The following TAF1L variants were observed in gnomAD, a reference collection of about 807,000 sequenced individuals.
TAF1L encodes the protein TATA-box binding protein associated factor 1 like.
In TAF1L, 30 loss-of-function variants were observed where a neutral mutation model predicts 128.8. That is an observed-to-expected ratio of 0.23 (90% CI 0.17 to 0.32). The LOEUF is 0.32. Ranked by LOEUF, TAF1L falls within the 10% of genes least tolerant of loss-of-function variation. The probability of loss-of-function intolerance (pLI) is 1.00; values close to 1 mark genes in which losing one functional copy is unlikely to be tolerated. For synonymous variants in TAF1L, 764 were observed against 790.7 expected (o/e 0.97, Z 0.57); for missense variants, 2,099 against 2,253.7 (o/e 0.93, Z 1.39).
chr9:32,632,496 T>C lies in TAF1L; in HGVS notation c.3084A>G (p.Lys1028=), dbSNP rs1319427896. 5 of 1,614,110 alleles carry C rather than the reference T, an allele frequency of 3.1e-6. No homozygotes were observed. Among genetic ancestry groups the C allele is most frequent in the Non-Finnish European group, 4.2e-6 (5 of 1,180,050 alleles). ...TAATCTCTTCCTCAGGCACACCAAA[T>C]TTACGTAGAAGTTGCTTGGCATTTT... The part of the protein sequence containing the change: ...SLKNAKQLLR[K]FGVPEEEIKK... The change falls in exon 1 of 1, where the codon AAA becomes AAG. Residue 1028 remains lysine, a synonymous_variant. Transcript: ENST00000242310. This position sits in a 1 kb window ranked among gnomAD's most constrained non-coding sequence, Gnocchi z 4.4.
In TAF1L at chr9:32,635,424, C is replaced by G. The variant is rs766333861; in HGVS notation, c.156G>C (p.Glu52Asp). ...ACTCATCATCCAAGACGCTTTCCCC[C>G]TCCAGCTGCCCCGCTCCACTGATGT... ...FGNISGAGQL[E>D]GESVLDDECK... Residue 52 changes from glutamate (E) to aspartate (D), a missense_variant, in exon 1 of 1, where the codon GAG becomes GAC. Coordinates refer to ENST00000242310, the MANE Select transcript of TAF1L (RefSeq NM_153809.2). 1.2e-6 allele frequency: 2 copies of G among 1,614,164 alleles called. No individual in the cohort carries two copies. The highest frequency in any genetic ancestry group is 1.3e-5 in the African/African-American group (1 of 75,042).
At position 32,631,042 on chromosome 9, in the gene TAF1L, G is replaced by C. The variant is rs1822510902; in HGVS notation, c.4538C>G (p.Ala1513Gly). 1.2e-6 allele frequency: 2 copies of C among 1,614,110 alleles called. No homozygotes were observed. The highest frequency in any genetic ancestry group is 3.3e-5 in the Admixed American group (2 of 60,006). Residue 1513 changes from alanine (A) to glycine (G), a missense_variant, in exon 1 of 1, where the codon GCT becomes GGT. Coordinates refer to ENST00000242310, the MANE Select transcript of TAF1L (RefSeq NM_153809.2). The surrounding 1 kb of genome is among the most constrained non-coding windows in gnomAD (Gnocchi z 4.1). Reference sequence around the variant, plus strand: ...ATCATCATCCAGCAAGGGGTTGATAGCTTTCTCTAAGCGAGCTAATTTGTC... The same window carrying C: ...ATCATCATCCAGCAAGGGGTTGATACCTTTCTCTAAGCGAGCTAATTTGTC... ...KEDKLARLEKAINPLLDDDDQ... is the reference protein window; with the variant it reads ...KEDKLARLEKGINPLLDDDDQ...
At position 32,633,922 on chromosome 9, in the gene TAF1L, G is replaced by A. The variant is rs1370053933; in HGVS notation, c.1658C>T (p.Ser553Phe). The change falls in exon 1 of 1, where the codon TCT becomes TTT. Residue 553 changes from serine (S) to phenylalanine (F), a missense_variant. Ser to Phe is a radical substitution (Grantham distance 155). Transcript: ENST00000242310. ...SPSKESKKES[S>F]LKKSRILLGK... Reference sequence around the variant, plus strand: ...CAAGAGAATTCGACTCTTCTTCAGAGATGATTCCTTCTTACTCTCCTTGGA... The same window carrying A: ...CAAGAGAATTCGACTCTTCTTCAGAAATGATTCCTTCTTACTCTCCTTGGA... 3.7e-6 allele frequency: 6 copies of A among 1,614,158 alleles called. No individual in the cohort carries two copies. The highest frequency in any genetic ancestry group is 2.5e-6 in the Non-Finnish European group (3 of 1,180,034).
chr9:32,633,227 G>C lies in TAF1L; in HGVS notation c.2353C>G (p.Arg785Gly), dbSNP rs1411633594. 1.2e-6 allele frequency: 2 copies of C among 1,614,018 alleles called. No homozygotes were observed. The highest frequency in any genetic ancestry group is 2.7e-5 in the African/African-American group (2 of 74,902). Residue 785 changes from arginine to glycine, a missense_variant, in exon 1 of 1, where the codon CGG becomes GGG. Physicochemically the swap from Arg to Gly is moderately radical, Grantham distance 125. Transcript: ENST00000242310. The stretch of plus-strand genomic sequence containing the variant: ...CGAATATAGTAACCCTGTCTTGTCC[G>C]AATGATCAGAAAATCAGTTTCTGGC... ...KMPETDFLIIRTRQGYYIREL... is the reference protein window; with the variant it reads ...KMPETDFLIIGTRQGYYIREL...
chr9:32,631,526 C>T lies in TAF1L; in HGVS notation c.4054G>A (p.Val1352Met), dbSNP rs1822517422. 1 of 1,614,088 alleles carries T rather than the reference C, an allele frequency of 6.2e-7. No individual in the cohort carries two copies. ...IVFGKQLIEN[V>M]HEVRRKSLVL... ...AGAGATTTTCTGCGAACCTCATGCACATTCTCAATTAGCTGTTTCCCGAAG... is the reference window on the plus strand; with the variant it reads ...AGAGATTTTCTGCGAACCTCATGCATATTCTCAATTAGCTGTTTCCCGAAG... The change falls in exon 1 of 1, where the codon GTG becomes ATG. Residue 1352 changes from valine (V) to methionine (M), a missense_variant. Around this residue, in one of 4 missense-constraint regions of TAF1L, gnomAD observed 1,213 missense variants for 1,391.4 expected, o/e 0.87. Transcript: ENST00000242310. This position sits in a 1 kb window ranked among gnomAD's most constrained non-coding sequence, Gnocchi z 4.1.
rs781264241 is a variant in TAF1L, at chr9:32,631,862, G to T, written c.3718C>A (p.Arg1240=). 2 of 1,614,056 alleles carry T rather than the reference G, an allele frequency of 1.2e-6. No homozygotes were observed. Among genetic ancestry groups the T allele is most frequent in the Non-Finnish European group, 1.7e-6 (2 of 1,180,022 alleles). The part of the protein sequence containing the change: ...LFDEKHREEM[R]KERRRIQEQL... ...TCTTGAATCCTCCGCCGTTCTTTCC[G>T]CATCTCTTCCCGATGTTTTTCATCA... The change falls in exon 1 of 1, where the codon CGG becomes AGG. Residue 1240 remains arginine, a synonymous_variant. Transcript: ENST00000242310. This position sits in a 1 kb window ranked among gnomAD's most constrained non-coding sequence, Gnocchi z 4.1.
rs764249802 is a variant in TAF1L at position 32,634,462 on chromosome 9, C to G, written c.1118G>C (p.Gly373Ala). The change falls in exon 1 of 1, where the codon GGT becomes GCT. Residue 373 changes from glycine (G) to alanine (A), a missense_variant. Coordinates refer to ENST00000242310, the MANE Select transcript of TAF1L (RefSeq NM_153809.2). Reference sequence around the variant, plus strand: ...AAACCCACTGCCATCTTCGGAGACACCCAGCATATCATACCACAGTCGGGC... The same window carrying G: ...AAACCCACTGCCATCTTCGGAGACAGCCAGCATATCATACCACAGTCGGGC... ...GPARLWYDML[G>A]VSEDGSGFDY... The G allele has an allele frequency of 7.4e-6, 12 of 1,614,100 alleles. No homozygotes were observed. The South Asian group carries it at 1.3e-4, about 18-fold the overall frequency.
rs1822536223 is a variant in TAF1L at position 32,632,963 on chromosome 9, G to A, written c.2617C>T (p.Arg873Cys). 6.8e-6 allele frequency: 11 copies of A among 1,614,172 alleles called. No individual in the cohort carries two copies. The East Asian group carries it at 2.0e-4, about 29-fold the overall frequency. ...KRLKLCADFK[R>C]TGMDSNWWVL... ...CACCAGTTTGAATCCATCCCTGTGCGTTTGAAGTCAGCGCAGAGCTTTAGC... is the reference window on the plus strand; with the variant it reads ...CACCAGTTTGAATCCATCCCTGTGCATTTGAAGTCAGCGCAGAGCTTTAGC... The change falls in exon 1 of 1, where the codon CGC becomes TGC. Residue 873 changes from arginine to cysteine, a missense_variant. By Grantham distance (180) the Arg-to-Cys change is radical. Transcript: ENST00000242310. The surrounding 1 kb of genome is among the most constrained non-coding windows in gnomAD (Gnocchi z 4.4).
chr9:32,631,981 C>T lies in TAF1L; in HGVS notation c.3599G>A (p.Arg1200His), dbSNP rs909218755. Residue 1200 changes from arginine (R) to histidine (H), a missense_variant, in exon 1 of 1, where the codon CGC becomes CAC. Transcript: ENST00000242310. The surrounding 1 kb of genome is among the most constrained non-coding windows in gnomAD (Gnocchi z 4.1). The stretch of plus-strand genomic sequence containing the variant: ...AGCTGGTTTTCGGACTGTCTCACAG[C>T]GAACATACTCTTTCCCCTCTTCATC... The part of the protein sequence containing the change: ...FRDEEGKEYV[R>H]CETVRKPAVI... 2.5e-6 allele frequency: 4 copies of T among 1,614,032 alleles called. No homozygotes were observed. The highest frequency in any genetic ancestry group is 2.2e-5 in the East Asian group (1 of 44,902).
Position 32,635,472 on chromosome 9 carries a change from A to G in TAF1L, c.108T>C (p.Thr36=). 1.9e-6 allele frequency: 3 copies of G among 1,614,142 alleles called. No homozygotes were observed. The highest frequency in any genetic ancestry group is 1.1e-5 in the South Asian group (1 of 91,080). The change falls in exon 1 of 1, where the codon ACT becomes ACC. Residue 36 remains threonine (T), a synonymous_variant. Transcript: ENST00000242310. ...TGTTGCCGAAAAGGATACCCGCTAAAGTAAATGGGCCACCTCCAGATGAAT... is the reference window on the plus strand; with the variant it reads ...TGTTGCCGAAAAGGATACCCGCTAAGGTAAATGGGCCACCTCCAGATGAAT... The part of the protein sequence containing the change: ...EEDSSGGGPF[T]LAGILFGNIS...
chr9:32,630,929 C>A lies in TAF1L; in HGVS notation c.4651G>T (p.Val1551Phe). ...VPDSWPFHHP[V>F]NKKFVPDYYK... is the part of the protein sequence containing the mutation. ...TAATCTGGAACAAACTTCTTATTAA[C>A]TGGGTGATGAAATGGCCAAGAATCT... The change falls in exon 1 of 1, where the codon GTT becomes TTT. Residue 1551 changes from valine to phenylalanine, a missense_variant. Coordinates refer to ENST00000242310, the MANE Select transcript of TAF1L (RefSeq NM_153809.2). The A allele has an allele frequency of 3.1e-6, 5 of 1,614,218 alleles. No homozygotes were observed. Among genetic ancestry groups the A allele is most frequent in the Non-Finnish European group, 4.2e-6 (5 of 1,180,052 alleles).
Position 32,629,846 on chromosome 9 carries a change from A to C in TAF1L, c.*253T>G. 1 of 650,046 alleles carries C rather than the reference A, an allele frequency of 1.5e-6. No homozygotes were observed. The highest frequency in any genetic ancestry group is 2.6e-6 in the Non-Finnish European group (1 of 380,446). 40.3% of individuals were successfully genotyped at this position (650,046 alleles called of 1,614,324 possible). On this transcript the variant is annotated 3_prime_UTR_variant, in exon 1 of 1. Transcript: ENST00000242310. ...GCTAATTTTTGTATTTTTAGTAGAG[A>C]TGAAGTTTCGACATGTTGGCCAAGC...
rs1822549770 is a variant in TAF1L, at chr9:32,633,942, C to A, written c.1638G>T (p.Lys546Asn). ...TCAGAGATGATTCCTTCTTACTCTC[C>A]TTGGAGGGGGAGTTAGAGGTGGCCT... ...KEEATSNSPS[K>N]ESKKESSLKK... Residue 546 changes from lysine to asparagine, a missense_variant, in exon 1 of 1, where the codon AAG becomes AAT. By Grantham distance (94) the Lys-to-Asn change is moderately conservative. This residue lies in a region of TAF1L where 1,213 missense variants were observed against 1,391.4 expected (regional missense o/e 0.87). Transcript: ENST00000242310. 6.2e-7 allele frequency: 1 copy of A among 1,614,170 alleles called. No homozygotes were observed. The highest frequency in any genetic ancestry group is 8.5e-7 in the Non-Finnish European group (1 of 1,180,036).
Position 32,634,103 on chromosome 9 carries a change from C to G in TAF1L, c.1477G>C (p.Asp493His). The change falls in exon 1 of 1, where the codon GAT (aspartate) becomes CAT (histidine). Residue 493 changes from aspartate to histidine, a missense_variant. Asp to His is a moderately conservative substitution (Grantham distance 81). Transcript: ENST00000242310. Reference sequence around the variant, plus strand: ...TCCTCCCAGCGTCCATACACCAGATCCTCATTGTCAATGGGAAAAATGGAG... The same window carrying G: ...TCCTCCCAGCGTCCATACACCAGATGCTCATTGTCAATGGGAAAAATGGAG... ...WYSIFPIDNE[D>H]LVYGRWEDNI... 1.2e-6 allele frequency: 2 copies of G among 1,614,190 alleles called. No individual in the cohort carries two copies. The highest frequency in any genetic ancestry group is 2.2e-5 in the South Asian group (2 of 91,078).
chr9:32,630,251 C>T lies in TAF1L; in HGVS notation c.5329G>A (p.Gly1777Arg). ...SEGEDDEEDA[G>R]SDEEGDNPFS... ...GGATTGTCTCCTTCTTCGTCACTCC[C>T]AGCATCTTCCTCATCATCTTCTCCT... The change falls in exon 1 of 1, where the codon GGG becomes AGG. Residue 1777 changes from glycine to arginine, a missense_variant. Transcript: ENST00000242310. 6.2e-7 allele frequency: 1 copy of T among 1,614,214 alleles called. No homozygotes were observed.
rs2119084266 is a variant in TAF1L, at chr9:32,631,303, G to A, written c.4277C>T (p.Thr1426Ile). 3.1e-6 allele frequency: 5 copies of A among 1,614,214 alleles called. No homozygotes were observed. The South Asian group carries it at 4.4e-5, about 14-fold the overall frequency. ...CTTTACAACCTTTGCATTGACTGGA[G>A]TGTGGAAAGGGTGTGTATTTGGAAG... is the stretch of plus-strand genomic sequence containing the variant. The part of the protein sequence containing the change: ...RDLPNTHPFH[T>I]PVNAKVVKDY... Residue 1426 changes from threonine to isoleucine, a missense_variant, in exon 1 of 1, where the codon ACT (threonine) becomes ATT (isoleucine). This residue lies in a region of TAF1L where 1,213 missense variants were observed against 1,391.4 expected (regional missense o/e 0.87). Transcript: ENST00000242310. The surrounding 1 kb of genome is among the most constrained non-coding windows in gnomAD (Gnocchi z 4.1).
In TAF1L at chr9:32,630,711, A is replaced by G. The variant is rs1435233438; in HGVS notation, c.4869T>C (p.Ile1623=). The part of the protein sequence containing the change: ...QEIVNICYQT[I]TEYDEHLTQL... ...GAGTCAAATGCTCATCATACTCAGT[A>G]ATTGTCTGGTAACAGATGTTCACAA... is the stretch of plus-strand genomic sequence containing the variant. The change falls in exon 1 of 1, where the codon ATT becomes ATC. Residue 1623 remains isoleucine (I), a synonymous_variant. Transcript: ENST00000242310. 1 of 1,614,196 alleles carries G rather than the reference A, an allele frequency of 6.2e-7. No individual in the cohort carries two copies. Among genetic ancestry groups the G allele is most frequent in the Admixed American group, 1.7e-5 (1 of 60,010 alleles).
In TAF1L at chr9:32,635,550, C is replaced by T. The variant is rs370475875; in HGVS notation, c.30G>A (p.Arg10=). 1.8e-4 allele frequency: 284 copies of T among 1,613,960 alleles called. No individual in the cohort carries two copies. The highest frequency in any genetic ancestry group is 2.3e-4 in the Non-Finnish European group (272 of 1,179,938). ...TGGCGGCAGTGACGGTAGCTGCTGC[C>T]CTCAGCAGCAAATCGCAGCCGGGTC... MRPGCDLLL[R]AAATVTAAIM... Residue 10 remains arginine, a synonymous_variant, in exon 1 of 1, where the codon AGG becomes AGA. Coordinates refer to ENST00000242310, the MANE Select transcript of TAF1L (RefSeq NM_153809.2).
chr9:32,629,800 A>G lies in TAF1L; in HGVS notation c.*299T>C, dbSNP rs1042582490. Reference sequence around the variant, plus strand: ...AGCCTCCCGAGTATCTGGGGATTACAGGCGTGCACCACCACACCTGGCTAA... The same window carrying G: ...AGCCTCCCGAGTATCTGGGGATTACGGGCGTGCACCACCACACCTGGCTAA... On this transcript the variant is annotated 3_prime_UTR_variant, in exon 1 of 1. Coordinates refer to ENST00000242310, the MANE Select transcript of TAF1L (RefSeq NM_153809.2). The G allele has an allele frequency of 3.9e-6, 2 of 513,730 alleles. No homozygotes were observed. The highest frequency in any genetic ancestry group is 7.2e-5 in the Admixed American group (2 of 27,744). The allele number at this position is 513,730 out of a possible 1,614,324, so 31.8% of individuals were successfully genotyped here. A position where few individuals can be genotyped will look rare whatever the true frequency, so the allele number is the denominator to read the frequency against.
Sources: allele counts gnomAD v4.1 joint callset, GRCh38; gene constraint gnomAD v4.1.1; regional missense constraint gnomAD v4.1.1; non-coding constraint Gnocchi (gnomAD v3.1); transcripts MANE v1.5; gene names NCBI Gene and HGNC (gene_info 2026-07-23, HGNC 2026-07-21).